DENND5A: variants seen among roughly 807,000 people sequenced by gnomAD.
DENND5A encodes DENN domain containing 5A.
DENND5A carries 64 observed loss-of-function variants against 140.3 expected under a neutral mutation model. The observed-to-expected ratio is 0.46, with a 90% CI of 0.37 to 0.56. The LOEUF (loss-of-function observed/expected upper bound fraction) is 0.56, where lower values mean the gene tolerates loss of function less well. Among genes scored for constraint, DENND5A ranks in the 20% least tolerant of loss-of-function variants. DENND5A has a pLI of 0.00. For synonymous variants in DENND5A, 605 were observed against 607.7 expected (o/e 1.00, Z 0.07); for missense variants, 1,292 against 1,593.8 (o/e 0.81, Z 3.22).
chr11:9,199,992 C>T (rs1248007034), intron 4 of DENND5A, among the ~76,000 whole-genome samples: 5 of 152,232 alleles, frequency 3.3e-5, no homozygotes, highest in Non-Finnish European at 1.5e-5. Flanking sequence ...CTTGTCCATG[C>T]TGAGCCTGAC....
At position 9,164,056 on chromosome 11, in the gene DENND5A, G is replaced by GTTTTTTTTTT. The variant is rs768604681; in HGVS notation, c.2283+1770_2283+1779dup. ...ATATCAGTACTGATATATTAATCAG[G>GTTTTTTTTTT]TTTTTTTTTTTTTTTTTTTTTTTTT... On this transcript the variant is annotated intron_variant, in intron 11 of 22. Coordinates refer to ENST00000328194, the MANE Select transcript of DENND5A (RefSeq NM_015213.4). Among the ~76,000 whole-genome samples the GTTTTTTTTTT allele has an allele frequency of 5.3e-4, 31 of 57,978 alleles. 7 individuals carry two copies. Among genetic ancestry groups the GTTTTTTTTTT allele is most frequent in the East Asian group, 1.2e-3 (2 of 1,706 alleles). The allele number at this position is 57,978 out of a possible 152,430, so 38.0% of individuals were successfully genotyped here.
At chr11:9,182,870 A>AT (rs1002851454) in intron 5 of DENND5A, among the ~76,000 whole-genome samples, 1 of 152,132 alleles carries the variant, frequency 6.6e-6, no homozygotes, top group African/African-American at 2.4e-5. Context: ...CTCAACAAAC[A>AT]TTTGTTGTAT....
intron 12 of DENND5A, among the ~76,000 whole-genome samples, chr11:9,154,897 C>T (rs967508246): frequency 2.0e-5 from 3 of 151,670 alleles, no homozygotes; most frequent in Non-Finnish European, 4.4e-5. Flanking sequence ...CATCTGTAAC[C>T]CCAGCACTTT....
At chr11:9,206,229 T>C (rs749509831) in intron 3 of DENND5A, among the ~76,000 whole-genome samples, 3 of 152,156 alleles carry the variant, frequency 2.0e-5, no homozygotes, top group Non-Finnish European at 2.9e-5. Flanking sequence ...TTAAATGCTG[T>C]CCTATCTAAA....
Position 9,167,456 on chromosome 11 carries a change from C to T in DENND5A, c.2152-1489G>A, listed in dbSNP as rs1848228053. ...TCTACTTGAAATGCTCTTCTTATAG[C>T]TCCAGGGAGATGAAAGATTAAAAAA... is the stretch of plus-strand genomic sequence containing the variant. On this transcript the variant is annotated intron_variant, in intron 10 of 22. Coordinates refer to ENST00000328194, the MANE Select transcript of DENND5A (RefSeq NM_015213.4). 2.0e-5 allele frequency among the ~76,000 whole-genome samples: 3 copies of T among 146,496 alleles called. No homozygotes were observed. The South Asian group carries it at 6.5e-4, about 32-fold the overall frequency.
intron 4 of DENND5A, 136 bp downstream of exon 4, chr11:9,203,523 AC>A: frequency 1.0e-6 from 1 of 975,788 alleles, no homozygotes; most frequent in Middle Eastern, 2.7e-4. Context: ...TTTGCCATCC[AC>A]CACCTACCTG....
rs116826837 is a variant in DENND5A at position 9,229,125 on chromosome 11, T to A, written c.110-21493A>T. Among the ~76,000 whole-genome samples, 381 of 152,174 alleles carry A rather than the reference T, an allele frequency of 2.5e-3. 1 individual carries two copies. The highest frequency in any genetic ancestry group is 8.6e-3 in the African/African-American group (357 of 41,510). ...AAGCCTAGGCAGTTAGTGTCAGAAT[T>A]GAACTGAATTGGAAAAAAATAATAA... is the stretch of plus-strand genomic sequence containing the variant. On this transcript the variant is annotated intron_variant, in intron 1 of 22. Transcript: ENST00000328194.
At position 9,245,304 on chromosome 11, in the gene DENND5A, A is replaced by G. The variant is rs1451884606; in HGVS notation, c.109+19657T>C. 121 of 149,848 alleles carry G rather than the reference A, an allele frequency of 8.1e-4. 1 individual carries two copies. Among genetic ancestry groups the G allele is most frequent in the Non-Finnish European group, 1.2e-3 (84 of 67,552 alleles). 9.3% of individuals were successfully genotyped at this position (149,848 alleles called of 1,614,324 possible). The stretch of plus-strand genomic sequence containing the variant: ...CACCAAAAAAAAAAAAAAACACAAA[A>G]AAAACAAAAAATGCAGTGGCTCATA... On this transcript the variant is annotated intron_variant, in intron 1 of 22. Coordinates refer to ENST00000328194, the MANE Select transcript of DENND5A (RefSeq NM_015213.4).
intron 1 of DENND5A, among the ~76,000 whole-genome samples, chr11:9,244,336 A>G (rs1342810287): frequency 6.6e-6 from 1 of 152,044 alleles, no homozygotes; most frequent in Non-Finnish European, 1.5e-5. Context: ...TGTTAATGGG[A>G]TTAAGGCCTT....
chr11:9,145,647 C>T (rs755178754), intron 17 of DENND5A, 23 bp downstream of exon 17: 1 of 1,613,716 alleles, frequency 6.2e-7, no homozygotes, highest in Admixed American at 1.7e-5. Flanking sequence ...CCCCACAGAG[C>T]TGTGGCCCCA....
At chr11:9,191,573 T>C (rs1849128521) in intron 5 of DENND5A, among the ~76,000 whole-genome samples, 1 of 152,208 alleles carries the variant, frequency 6.6e-6, no homozygotes, top group South Asian at 2.1e-4. Context: ...CCATGGTTTC[T>C]TAAACAGTCC....
chr11:9,167,475 TAAAAAAA>T (rs547949319), intron 10 of DENND5A, among the ~76,000 whole-genome samples: 1 of 119,450 alleles, frequency 8.4e-6, no homozygotes, highest in Non-Finnish European at 1.7e-5. Flanking sequence ...GATGAAAGAT[TAAAAAAA>T]AAAAAAAAAA....
At chr11:9,251,786 G>A (rs1170189423) in intron 1 of DENND5A, among the ~76,000 whole-genome samples, 2 of 151,564 alleles carry the variant, frequency 1.3e-5, no homozygotes, top group Admixed American at 1.3e-4. Context: ...TCAGGAGATC[G>A]AGACCATCCT....
rs1463089484 is a variant in DENND5A at position 9,205,498 on chromosome 11, T to C, written c.291+1175A>G. On this transcript the variant is annotated intron_variant, in intron 3 of 22. Coordinates refer to ENST00000328194, the MANE Select transcript of DENND5A (RefSeq NM_015213.4). ...ACTTGAGGCTCTCAAAGACAGTTTC[T>C]TCATCTGTGAAATAATAATATAGTT... is the stretch of plus-strand genomic sequence containing the variant. Among the ~76,000 whole-genome samples the C allele has an allele frequency of 3.3e-5, 5 of 152,200 alleles. No individual in the cohort carries two copies. In the East Asian group the frequency reaches 9.6e-4, roughly 29 times the overall value.
chr11:9,223,431 T>C (rs976438089), intron 1 of DENND5A, among the ~76,000 whole-genome samples: 35 of 152,104 alleles, frequency 2.3e-4, no homozygotes, highest in African/African-American at 8.2e-4. Context: ...TCGCAGCTAC[T>C]TGGGAGGCTG....
intron 3 of DENND5A, among the ~76,000 whole-genome samples, chr11:9,205,283 T>C (rs753661737): frequency 6.6e-6 from 1 of 152,166 alleles, no homozygotes; most frequent in Non-Finnish European, 1.5e-5. Flanking sequence ...CTGACCTGAA[T>C]CAATCAGTTC....
intron 10 of DENND5A, among the ~76,000 whole-genome samples, chr11:9,168,762 C>T (rs11823935): frequency 1.3e-5 from 2 of 152,146 alleles, no homozygotes; most frequent in African/African-American, 4.8e-5. Context: ...TTCCAATTCA[C>T]TGAGCTGCCA....
chr11:9,176,194 G>A (rs1848540796), intron 8 of DENND5A, among the ~76,000 whole-genome samples: 1 of 152,170 alleles, frequency 6.6e-6, no homozygotes, highest in Admixed American at 6.5e-5. Context: ...GAAAATGTAA[G>A]ACTTTGAACT....
intron 1 of DENND5A, among the ~76,000 whole-genome samples, chr11:9,249,734 G>A (rs2136287822): frequency 6.6e-6 from 1 of 152,150 alleles, no homozygotes; most frequent in Non-Finnish European, 1.5e-5. Context: ...ATTTTTAGTA[G>A]AAATGGGGTT....
Sources: gnomAD v4.1 joint callset for allele counts (sites outside exome capture counted in the v4.1 genomes callset) on GRCh38, gnomAD v4.1.1 for gene constraint, MANE v1.5 for transcripts, NCBI Gene and HGNC (gene_info 2026-07-23, HGNC 2026-07-21) for gene names.